The following S100A3 variants were observed in gnomAD, a reference collection of about 807,000 sequenced individuals.
S100A3 encodes protein S100-A3.
In S100A3, 11 loss-of-function variants were observed where a neutral mutation model predicts 8.0. The observed-to-expected ratio is 1.37, with a 90% CI of 0.86 to 2.27. S100A3 has a LOEUF of 2.27. S100A3 is among the 30% of genes most tolerant of loss of function. S100A3 has a pLI of 0.00. For synonymous variants in S100A3, 43 were observed against 49.6 expected (o/e 0.87, Z 0.56); for missense variants, 124 against 127.1 (o/e 0.98, Z 0.12).
chr1:153,548,298 A>G (rs1239969793), intron 2 of S100A3, 47 bp downstream of exon 2: 1 of 1,608,812 alleles, frequency 6.2e-7, no homozygotes, highest in African/African-American at 1.3e-5. Context: ...GAGTCTAGGC[A>G]GTGCCTCCCC....
At chr1:153,548,891 C>G (rs995170962) in intron 1 of S100A3, 18 of 168,326 alleles carry the variant, frequency 1.1e-4, no homozygotes, top group Non-Finnish European at 1.6e-4. Flanking sequence ...CCCTAGAAGC[C>G]TCCCTCCCTG....
chr1:153,547,413 C>A lies in S100A3; in HGVS notation c.*269G>T. 2.2e-6 allele frequency: 1 copy of A among 456,658 alleles called. No homozygotes were observed. Among genetic ancestry groups the A allele is most frequent in the South Asian group, 3.9e-5 (1 of 25,814 alleles). The allele number at this position is 456,658 out of a possible 1,614,324, so 28.3% of individuals were successfully genotyped here. ...TGCACGCTCTGCTGAGCCTCGAGGG[C>A]CTCAGAGCAGATCCCGCCTCCTCCC... On this transcript the variant is annotated 3_prime_UTR_variant, in exon 3 of 3. Coordinates refer to ENST00000368713, the MANE Select transcript of S100A3 (RefSeq NM_002960.2). This position sits in a 1 kb window ranked among gnomAD's most constrained non-coding sequence, Gnocchi z 4.0.
At position 153,548,481 on chromosome 1, in the gene S100A3, G is replaced by C; in HGVS notation, c.5C>G (p.Ala2Gly). The C allele has an allele frequency of 3.8e-6, 6 of 1,586,956 alleles. No homozygotes were observed. Among genetic ancestry groups the C allele is most frequent in the Non-Finnish European group, 5.2e-6 (6 of 1,163,526 alleles). ...AGCTACCGCCTGCTCCAGAGGCCTGGCCATCCTCACTGTCACAGAACAAGG... is the reference window on the plus strand; with the variant it reads ...AGCTACCGCCTGCTCCAGAGGCCTGCCCATCCTCACTGTCACAGAACAAGG... MARPLEQAVAAI... is the reference protein window; with the variant it reads MGRPLEQAVAAI... Residue 2 changes from alanine to glycine, a missense_variant, in exon 2 of 3, where the codon GCC becomes GGC. By Grantham distance (60) the Ala-to-Gly change is moderately conservative (BLOSUM62 0). Transcript: ENST00000368713.
Position 153,548,330 on chromosome 1 carries a change from ACT to A in S100A3, c.141+13_141+14del, listed in dbSNP as rs754771088. 1 of 1,613,050 alleles carries A rather than the reference ACT, an allele frequency of 6.2e-7. No homozygotes were observed. Among genetic ancestry groups the A allele is most frequent in the South Asian group, 1.1e-5 (1 of 91,056 alleles). On this transcript the variant is annotated intron_variant, in intron 2 of 2. Coordinates refer to ENST00000368713, the MANE Select transcript of S100A3 (RefSeq NM_002960.2). ...CCCCCCGGAGGAGGAGGGGACGGAC[ACT>A]CTGACTGCTCACCGGGGTCCAGGTG...
Position 153,547,414 on chromosome 1 carries a change from C to T in S100A3, c.*268G>A, listed in dbSNP as rs1665596311. The T allele has an allele frequency of 2.2e-6, 1 of 459,848 alleles. No individual in the cohort carries two copies. Among genetic ancestry groups the T allele is most frequent in the Non-Finnish European group, 3.9e-6 (1 of 255,600 alleles). The allele number at this position is 459,848 out of a possible 1,614,324, so 28.5% of individuals were successfully genotyped here. Reference sequence around the variant, plus strand: ...GCACGCTCTGCTGAGCCTCGAGGGCCTCAGAGCAGATCCCGCCTCCTCCCA... The same window carrying T: ...GCACGCTCTGCTGAGCCTCGAGGGCTTCAGAGCAGATCCCGCCTCCTCCCA... On this transcript the variant is annotated 3_prime_UTR_variant, in exon 3 of 3. Coordinates refer to ENST00000368713, the MANE Select transcript of S100A3 (RefSeq NM_002960.2). This position sits in a 1 kb window ranked among gnomAD's most constrained non-coding sequence, Gnocchi z 4.0.
Position 153,547,707 on chromosome 1 carries a change from G to A in S100A3, c.281C>T (p.Pro94Leu). 1.2e-6 allele frequency: 2 copies of A among 1,613,992 alleles called. No homozygotes were observed. Among genetic ancestry groups the A allele is most frequent in the Non-Finnish European group, 1.7e-6 (2 of 1,179,926 alleles). The change falls in exon 3 of 3, where the codon CCC (proline) becomes CTC (leucine). Residue 94 changes from proline to leucine, a missense_variant. Transcript: ENST00000368713. The surrounding 1 kb of genome is among the most constrained non-coding windows in gnomAD (Gnocchi z 4.0). ...CTACTGGGAGCAGGGGGGCTCTGAG[G>A]GGCAGTCCTTGAAGTACTCGTGGCA... ...LYCHEYFKDC[P>L]SEPPCSQ
chr1:153,547,681 G>T lies in S100A3; in HGVS notation c.*1C>A. 5.6e-6 allele frequency: 9 copies of T among 1,613,476 alleles called. No homozygotes were observed. The highest frequency in any genetic ancestry group is 7.6e-6 in the Non-Finnish European group (9 of 1,179,644). On this transcript the variant is annotated 3_prime_UTR_variant, in exon 3 of 3. Coordinates refer to ENST00000368713, the MANE Select transcript of S100A3 (RefSeq NM_002960.2). The surrounding 1 kb of genome is among the most constrained non-coding windows in gnomAD (Gnocchi z 4.0). ...AGCCAGCGCACCCCCTGGAGCAGAG[G>T]CTACTGGGAGCAGGGGGGCTCTGAG...
chr1:153,547,673 G>A lies in S100A3; in HGVS notation c.*9C>T. On this transcript the variant is annotated 3_prime_UTR_variant, in exon 3 of 3. Coordinates refer to ENST00000368713, the MANE Select transcript of S100A3 (RefSeq NM_002960.2). The surrounding 1 kb of genome is among the most constrained non-coding windows in gnomAD (Gnocchi z 4.0). ...CCCCCGACAGCCAGCGCACCCCCTGGAGCAGAGGCTACTGGGAGCAGGGGG... is the reference window on the plus strand; with the variant it reads ...CCCCCGACAGCCAGCGCACCCCCTGAAGCAGAGGCTACTGGGAGCAGGGGG... The A allele has an allele frequency of 9.9e-6, 16 of 1,613,026 alleles. No individual in the cohort carries two copies. Among genetic ancestry groups the A allele is most frequent in the Non-Finnish European group, 1.4e-5 (16 of 1,179,374 alleles).
At position 153,548,348 on chromosome 1, in the gene S100A3, G is replaced by A; in HGVS notation, c.138C>T (p.Thr46=). Residue 46 remains threonine, a synonymous_variant, in exon 2 of 3, where the codon ACC becomes ACT. Transcript: ENST00000368713. ...ELLQKELATW[T]PTEFRECDYN... is the part of the protein sequence containing the mutation. ...GACGGACACTCTGACTGCTCACCGGGGTCCAGGTGGCCAGCTCCTTCTGCA... is the reference window on the plus strand; with the variant it reads ...GACGGACACTCTGACTGCTCACCGGAGTCCAGGTGGCCAGCTCCTTCTGCA... The A allele has an allele frequency of 1.9e-6, 3 of 1,613,622 alleles. No individual in the cohort carries two copies. The highest frequency in any genetic ancestry group is 1.1e-5 in the South Asian group (1 of 91,030).
In S100A3 at chr1:153,547,894, G is replaced by A. The variant is rs371383362; in HGVS notation, c.142-48C>T. On this transcript the variant is annotated intron_variant, in intron 2 of 2. Coordinates refer to ENST00000368713, the MANE Select transcript of S100A3 (RefSeq NM_002960.2). This position sits in a 1 kb window ranked among gnomAD's most constrained non-coding sequence, Gnocchi z 4.0. The stretch of plus-strand genomic sequence containing the variant: ...GAGGTAAGGGAGTAGGATGAGGAGG[G>A]CAGAACAGCCTCACACGCCACCTCC... 30 of 1,573,006 alleles carry A rather than the reference G, an allele frequency of 1.9e-5. No homozygotes were observed. Among genetic ancestry groups the A allele is most frequent in the Non-Finnish European group, 2.5e-5 (29 of 1,150,656 alleles).
chr1:153,547,840 ACT>A lies in S100A3; in HGVS notation c.146_147del (p.Glu49ValfsTer5). On this transcript the variant is annotated frameshift_variant, in exon 3 of 3. Transcript: ENST00000368713. LOFTEE classifies it high-confidence loss of function. This position sits in a 1 kb window ranked among gnomAD's most constrained non-coding sequence, Gnocchi z 4.0. ...AATTTGTTGTAGTCACATTCCCGAA[ACT>A]CAGTCTGTGCAAGGGAAGGGTTGGG... Reference protein sequence around the residue: ...QKELATWTPTEFRECDYNKFM... With the variant: ...QKELATWTPTXFRECDYNKFM... 1 of 1,613,548 alleles carries A rather than the reference ACT, an allele frequency of 6.2e-7. No homozygotes were observed. The highest frequency in any genetic ancestry group is 2.2e-5 in the East Asian group (1 of 44,852).
rs544925265 is a variant in S100A3 at position 153,547,941 on chromosome 1, C to T, written c.142-95G>A. On this transcript the variant is annotated intron_variant, in intron 2 of 2. Coordinates refer to ENST00000368713, the MANE Select transcript of S100A3 (RefSeq NM_002960.2). This position sits in a 1 kb window ranked among gnomAD's most constrained non-coding sequence, Gnocchi z 4.0. ...CTCCCTCCTTCCTCTCCCAAGTGGA[C>T]CCACCCCACCCCAAACTACACCCTT... 124 of 1,312,414 alleles carry T rather than the reference C, an allele frequency of 9.4e-5. 1 individual carries two copies. The South Asian group carries it at 1.5e-3, about 16-fold the overall frequency. The allele number at this position is 1,312,414 out of a possible 1,614,324, so 81.3% of individuals were successfully genotyped here. A position where few individuals can be genotyped will look rare whatever the true frequency, so the allele number is the denominator to read the frequency against.
chr1:153,547,957 C>T lies in S100A3; in HGVS notation c.142-111G>A. The T allele has an allele frequency of 8.5e-7, 1 of 1,173,358 alleles. No homozygotes were observed. The allele number at this position is 1,173,358 out of a possible 1,614,324, so 72.7% of individuals were successfully genotyped here. On this transcript the variant is annotated intron_variant, in intron 2 of 2. Coordinates refer to ENST00000368713, the MANE Select transcript of S100A3 (RefSeq NM_002960.2). This position sits in a 1 kb window ranked among gnomAD's most constrained non-coding sequence, Gnocchi z 4.0. ...CCAAGTGGACCCACCCCACCCCAAA[C>T]TACACCCTTCTGAGGGCCGACTTCA...
At position 153,547,965 on chromosome 1, in the gene S100A3, T is replaced by G; in HGVS notation, c.142-119A>C. 3 of 1,069,840 alleles carry G rather than the reference T, an allele frequency of 2.8e-6. No individual in the cohort carries two copies. Among genetic ancestry groups the G allele is most frequent in the Non-Finnish European group, 4.1e-6 (3 of 731,016 alleles). The allele number at this position is 1,069,840 out of a possible 1,614,324, so 66.3% of individuals were successfully genotyped here. The stretch of plus-strand genomic sequence containing the variant: ...ACCCACCCCACCCCAAACTACACCC[T>G]TCTGAGGGCCGACTTCAACCTCCCT... On this transcript the variant is annotated intron_variant, in intron 2 of 2. Transcript: ENST00000368713. The surrounding 1 kb of genome is among the most constrained non-coding windows in gnomAD (Gnocchi z 4.0).
intron 2 of S100A3, among the ~76,000 whole-genome samples, 170 bp downstream of exon 2, chr1:153,548,175 G>A (rs548227158): frequency 6.6e-6 from 1 of 152,288 alleles, no homozygotes; most frequent in South Asian, 2.1e-4. Context: ...TACAGATGAG[G>A]AAGCTGAGGT....
rs1665635679 is a variant in S100A3, at chr1:153,548,372, C to A, written c.114G>T (p.Leu38=). 10 of 1,613,920 alleles carry A rather than the reference C, an allele frequency of 6.2e-6. No homozygotes were observed. The East Asian group carries it at 2.2e-4, about 36-fold the overall frequency. ...KLCQAELKEL[L]QKELATWTPT... is the part of the protein sequence containing the mutation. ...GGGTCCAGGTGGCCAGCTCCTTCTG[C>A]AGCAGCTCCTTGAGCTCCGCCTGGC... is the stretch of plus-strand genomic sequence containing the variant. Residue 38 remains leucine (L), a synonymous_variant, in exon 2 of 3, where the codon CTG becomes CTT. Transcript: ENST00000368713.
intron 1 of S100A3, 47 bp from the exon 2 acceptor site, chr1:153,548,537 C>A (rs746593738): frequency 1.4e-5 from 22 of 1,533,000 alleles, no homozygotes; most frequent in Non-Finnish European, 1.8e-5. Context: ...CCAGGCCAGC[C>A]CCCCAGCTCA....
intron 1 of S100A3, 67 bp from the exon 2 acceptor site, chr1:153,548,557 T>A: frequency 6.6e-7 from 1 of 1,508,550 alleles, no homozygotes; most frequent in Middle Eastern, 1.9e-4. Flanking sequence ...ACCTCTGCCC[T>A]CTGTGTTTCT....
rs750471030 is a variant in S100A3 at position 153,547,609 on chromosome 1, A to G, written c.*73T>C. ...GGCAAGTCCAGATTGAAAGGGGTACAGGAGAGAGGGTAGGAGGGGGTGTGG... is the reference window on the plus strand; with the variant it reads ...GGCAAGTCCAGATTGAAAGGGGTACGGGAGAGAGGGTAGGAGGGGGTGTGG... On this transcript the variant is annotated 3_prime_UTR_variant, in exon 3 of 3. Transcript: ENST00000368713. This position sits in a 1 kb window ranked among gnomAD's most constrained non-coding sequence, Gnocchi z 4.0. 15 of 1,536,002 alleles carry G rather than the reference A, an allele frequency of 9.8e-6. No individual in the cohort carries two copies. The highest frequency in any genetic ancestry group is 1.2e-5 in the Non-Finnish European group (14 of 1,123,226).
Sources: allele counts gnomAD v4.1 joint callset (sites outside exome capture counted in the v4.1 genomes callset), GRCh38; gene constraint gnomAD v4.1.1; non-coding constraint Gnocchi (gnomAD v3.1); transcripts MANE v1.5; gene names NCBI Gene and HGNC (gene_info 2026-07-23, HGNC 2026-07-21).